KCNH7: variants seen among roughly 807,000 people sequenced by gnomAD.
KCNH7 encodes potassium voltage-gated channel subfamily H member 7.
In KCNH7, 49 loss-of-function variants were observed where a neutral mutation model predicts 120.8. The observed-to-expected ratio is 0.41, with a 90% CI of 0.32 to 0.51. The LOEUF (loss-of-function observed/expected upper bound fraction) is 0.51, where lower values mean the gene tolerates loss of function less well. Ranked by LOEUF, KCNH7 falls within the 20% of genes least tolerant of loss-of-function variation. The pLI, the probability that KCNH7 is intolerant of heterozygous loss-of-function variation, is 0.38. For synonymous variants in KCNH7, 547 were observed against 516.1 expected (o/e 1.06, Z -0.81); for missense variants, 1,097 against 1,446.6 (o/e 0.76, Z 3.92).
intron 12 of KCNH7, among the ~76,000 whole-genome samples, chr2:162,387,434 T>C (rs923468290): frequency 4.0e-5 from 6 of 151,506 alleles, no homozygotes; most frequent in African/African-American, 1.5e-4. Context: ...TATTTTTGCC[T>C]TTTTCCAGTT....
rs1166606647 is a variant in KCNH7 at position 162,468,512 on chromosome 2, CTTTTTTTTTTTTTT to C, written c.1129-22083_1129-22070del. Among the ~76,000 whole-genome samples the C allele has an allele frequency of 8.9e-5, 7 of 78,918 alleles. No individual in the cohort carries two copies. In the East Asian group the frequency reaches 2.4e-3, roughly 27 times the overall value. 51.8% of individuals were successfully genotyped at this position (78,918 alleles called of 152,430 possible). ...CTTGGGCAAGGTATTTATTCTTTTC[CTTTTTTTTTTTTTT>C]TTTTTTTTTTTTCAGACGGAGTCTC... is the stretch of plus-strand genomic sequence containing the variant. On this transcript the variant is annotated intron_variant, in intron 6 of 15. Transcript: ENST00000332142.
chr2:162,763,906 A>G (rs2105456621), intron 2 of KCNH7, among the ~76,000 whole-genome samples: 1 of 152,220 alleles, frequency 6.6e-6, no homozygotes, highest in African/African-American at 2.4e-5. Flanking sequence ...AATGTGACAA[A>G]TACCATAACA....
intron 6 of KCNH7, among the ~76,000 whole-genome samples, chr2:162,490,191 A>T (rs772124259): frequency 6.6e-6 from 1 of 152,234 alleles, no homozygotes; most frequent in East Asian, 1.9e-4. Flanking sequence ...GCACAGGAAG[A>T]TTGCCCAAAC....
intron 11 of KCNH7, among the ~76,000 whole-genome samples, chr2:162,395,109 T>C (rs1048353692): frequency 6.6e-6 from 1 of 151,864 alleles, no homozygotes; most frequent in East Asian, 1.9e-4. Flanking sequence ...ATACAAAATA[T>C]GTGTTCATTG....
Position 162,476,261 on chromosome 2 carries a change from CTT to C in KCNH7, c.1128+28180_1128+28181del, listed in dbSNP as rs1241006129. Among the ~76,000 whole-genome samples, 127 of 152,230 alleles carry C rather than the reference CTT, an allele frequency of 8.3e-4. 1 individual carries two copies. Among genetic ancestry groups the C allele is most frequent in the East Asian group, 1.9e-4 (1 of 5,174 alleles). On this transcript the variant is annotated intron_variant, in intron 6 of 15. Transcript: ENST00000332142. ...ACACTGAAACTTTATATAGAGCAAA[CTT>C]TTATAGAGCAAACTTCTAGTGTTAA... is the stretch of plus-strand genomic sequence containing the variant.
At chr2:162,512,877 T>C (rs891951773) in intron 4 of KCNH7, among the ~76,000 whole-genome samples, 1 of 151,762 alleles carries the variant, frequency 6.6e-6, no homozygotes, top group Non-Finnish European at 1.5e-5. Flanking sequence ...TAATATACAT[T>C]CTTATTTAAA....
chr2:162,431,962 C>T (rs563645260), intron 8 of KCNH7, among the ~76,000 whole-genome samples: 1 of 152,002 alleles, frequency 6.6e-6, no homozygotes, highest in Admixed American at 6.6e-5. Context: ...AATAGCACTA[C>T]GTATTTTACT....
intron 15 of KCNH7, among the ~76,000 whole-genome samples, chr2:162,373,047 C>G (rs996607078): frequency 6.6e-6 from 1 of 152,104 alleles, no homozygotes; most frequent in South Asian, 2.1e-4. Flanking sequence ...TTCCTGAGAC[C>G]TCTCCCAGCC....
Position 162,792,609 on chromosome 2 carries a change from T to C in KCNH7, c.307+43928A>G, listed in dbSNP as rs141540552. Among the ~76,000 whole-genome samples the C allele has an allele frequency of 1.7e-3, 264 of 152,170 alleles. 1 individual carries two copies. In the Middle Eastern group the frequency reaches 0.027, roughly 16 times the overall value. ...ATTATCTGGTGGTTGTTTATATTTCTATAGGGTCAGTGGTAATGTCCCCTT... is the reference window on the plus strand; with the variant it reads ...ATTATCTGGTGGTTGTTTATATTTCCATAGGGTCAGTGGTAATGTCCCCTT... On this transcript the variant is annotated intron_variant, in intron 2 of 15. Transcript: ENST00000332142.
rs36105366 is a variant in KCNH7 at position 162,718,191 on chromosome 2, A to AT, written c.307+118345dup. Among the ~76,000 whole-genome samples, 48 of 151,758 alleles carry AT rather than the reference A, an allele frequency of 3.2e-4. No homozygotes were observed. In the South Asian group the frequency reaches 8.1e-3, roughly 26 times the overall value. ...AAATCTGCACCTAAAATGTGACATGATTTTTTTTAACATATCAGATGAGAT... is the reference window on the plus strand; with the variant it reads ...AAATCTGCACCTAAAATGTGACATGATTTTTTTTTAACATATCAGATGAGAT... On this transcript the variant is annotated intron_variant, in intron 2 of 15. Coordinates refer to ENST00000332142, the MANE Select transcript of KCNH7 (RefSeq NM_033272.4).
rs543018328 is a variant in KCNH7 at position 162,407,114 on chromosome 2, G to T, written c.2155-6673C>A. Among the ~76,000 whole-genome samples, 5 of 152,078 alleles carry T rather than the reference G, an allele frequency of 3.3e-5. No individual in the cohort carries two copies. The South Asian group carries it at 1.0e-3, about 31-fold the overall frequency. On this transcript the variant is annotated intron_variant, in intron 9 of 15. Transcript: ENST00000332142. ...AAACATCACATAAGGCCAGATTGTT[G>T]TCAAAGCAGAGCATTATGGAATCCA...
chr2:162,469,083 TCTC>T (rs1444707648), intron 6 of KCNH7, among the ~76,000 whole-genome samples: 1 of 152,150 alleles, frequency 6.6e-6, no homozygotes, highest in Non-Finnish European at 1.5e-5. Context: ...CTCAAACAAT[TCTC>T]CTGCTTTAGT....
intron 2 of KCNH7, among the ~76,000 whole-genome samples, chr2:162,782,248 AC>A (rs1396805129): frequency 6.6e-6 from 1 of 152,210 alleles, no homozygotes; most frequent in African/African-American, 2.4e-5. Context: ...CACACAAAAT[AC>A]ATATGTAATA....
chr2:162,553,124 T>C (rs1459399758), intron 2 of KCNH7, among the ~76,000 whole-genome samples: 2 of 152,208 alleles, frequency 1.3e-5, no homozygotes, highest in Non-Finnish European at 2.9e-5. Context: ...AATGGTAAAA[T>C]TATAGGAAGT....
At chr2:162,800,073 A>G (rs969551981) in intron 2 of KCNH7, among the ~76,000 whole-genome samples, 2 of 151,784 alleles carry the variant, frequency 1.3e-5, no homozygotes, top group Non-Finnish European at 2.9e-5. Flanking sequence ...ATTTCTTATC[A>G]ACCTTCCACC....
At chr2:162,796,580 C>G (rs1481808444) in intron 2 of KCNH7, 1 of 152,076 alleles carries the variant, frequency 6.6e-6, no homozygotes, top group African/African-American at 2.4e-5. Context: ...TTGTCTTAAA[C>G]AGTGCAAAAT....
At chr2:162,469,864 G>A (rs187764768) in intron 6 of KCNH7, among the ~76,000 whole-genome samples, 25,234 of 152,122 alleles carry the variant, frequency 0.17, 2,190 homozygotes, top group East Asian at 0.26. Context: ...GCGCCGCCAC[G>A]CCTGACTGGT....
chr2:162,387,497 AATTCT>A (rs1686609549), intron 12 of KCNH7, among the ~76,000 whole-genome samples: 2 of 150,602 alleles, frequency 1.3e-5, no homozygotes, highest in African/African-American at 4.9e-5. Context: ...TTTTTTTCTT[AATTCT>A]ATTTATATTC....
intron 2 of KCNH7, among the ~76,000 whole-genome samples, chr2:162,687,884 G>A (rs530649542): frequency 6.6e-6 from 1 of 152,244 alleles, no homozygotes; most frequent in South Asian, 2.1e-4. Flanking sequence ...AAAACTATGT[G>A]TATGTACAAT....
Sources: gnomAD v4.1 joint callset for allele counts (sites outside exome capture counted in the v4.1 genomes callset) on GRCh38, gnomAD v4.1.1 for gene constraint, MANE v1.5 for transcripts, NCBI Gene and HGNC (gene_info 2026-07-23, HGNC 2026-07-21) for gene names.